Variants in COG3 observed in about 807,000 individuals in gnomAD.
The protein encoded by COG3 is component of oligomeric golgi complex 3.
A neutral mutation model predicts 114.1 loss-of-function variants in COG3; 32 were observed. The ratio of observed to expected loss-of-function variants is 0.28; its 90% CI spans 0.21 to 0.38. COG3 has a LOEUF of 0.38. Ranked by LOEUF, COG3 falls within the 10% of genes least tolerant of loss-of-function variation. The pLI is 1.00. For missense variants in COG3, 813 were observed against 973.2 expected (o/e 0.84, Z 2.19); for synonymous variants, 352 against 365.7 (o/e 0.96, Z 0.43).
rs753832614 is a variant in COG3 at position 45,493,412 on chromosome 13, T to G, written c.1253T>G (p.Ile418Ser). ...DVFRPLIIHV[I>S]HLETLSELCG... The stretch of plus-strand genomic sequence containing the variant: ...TTCAGGCCATTGATCATTCATGTTA[T>G]TCACTTAGAGACTCTGTCGGAACTT... The change falls in exon 12 of 23, where the codon ATT becomes AGT. Residue 418 changes from isoleucine to serine, a missense_variant. By Grantham distance (142) the Ile-to-Ser change is moderately radical. Around this residue, in one of 2 missense-constraint regions of COG3, gnomAD observed 389 missense variants for 542.6 expected, o/e 0.72. Transcript: ENST00000349995. 3 of 1,613,378 alleles carry G rather than the reference T, an allele frequency of 1.9e-6. No individual in the cohort carries two copies. The highest frequency in any genetic ancestry group is 2.5e-6 in the Non-Finnish European group (3 of 1,179,446).
intron 22 of COG3, 163 bp from the exon 23 acceptor site, chr13:45,534,539 C>T: frequency 4.8e-6 from 2 of 417,230 alleles, no homozygotes; most frequent in South Asian, 9.9e-5. Flanking sequence ...TATTTTTCAA[C>T]TTTTATTTTA....
intron 14 of COG3, among the ~76,000 whole-genome samples, chr13:45,504,524 G>C (rs1467010284): frequency 6.6e-6 from 1 of 152,164 alleles, no homozygotes; most frequent in Non-Finnish European, 1.5e-5. Context: ...GGCAGTGATG[G>C]GTTATTGGCA....
Position 45,492,262 on chromosome 13 carries a change from T to C in COG3, c.1187+12T>C. 6.7e-7 allele frequency: 1 copy of C among 1,497,116 alleles called. No individual in the cohort carries two copies. The highest frequency in any genetic ancestry group is 9.3e-7 in the Non-Finnish European group (1 of 1,078,244). 92.7% of individuals were successfully genotyped at this position (1,497,116 alleles called of 1,614,324 possible). On this transcript the variant is annotated intron_variant, in intron 11 of 22. Transcript: ENST00000349995. ...ACATCAAAATTAGAGTAGGTGGACA[T>C]GGAATCTAACTCTTGTTCATAAAAT...
At chr13:45,467,510 T>G (rs1885219032) in intron 1 of COG3, among the ~76,000 whole-genome samples, 1 of 152,226 alleles carries the variant, frequency 6.6e-6, no homozygotes, top group Non-Finnish European at 1.5e-5. Flanking sequence ...GAGAATCACT[T>G]GAACCCAGAA....
chr13:45,475,928 C>T (rs922645631), intron 1 of COG3, among the ~76,000 whole-genome samples: 1 of 147,630 alleles, frequency 6.8e-6, no homozygotes. Flanking sequence ...TGGCACCTTG[C>T]ATGTCAGCCT....
chr13:45,476,430 C>A, intron 2 of COG3, 83 bp downstream of exon 2: 2 of 1,360,892 alleles, frequency 1.5e-6, no homozygotes, highest in Non-Finnish European at 2.1e-6. Context: ...ATTAAAAGTT[C>A]TGAACATTTG....
At chr13:45,503,550 G>A (rs553419841) in intron 14 of COG3, among the ~76,000 whole-genome samples, 1 of 152,284 alleles carries the variant, frequency 6.6e-6, no homozygotes, top group Non-Finnish European at 1.5e-5. Context: ...CTTGGACCAT[G>A]GATGAGGGGC....
intron 20 of COG3, among the ~76,000 whole-genome samples, chr13:45,525,634 GT>G (rs59577529): frequency 3.5e-4 from 20 of 56,644 alleles, no homozygotes; most frequent in East Asian, 6.7e-4. Context: ...AGGGCTTTGG[GT>G]TTTTTTTTTT....
intron 14 of COG3, 27 bp downstream of exon 14, chr13:45,503,376 C>A: frequency 1.7e-6 from 2 of 1,165,346 alleles, no homozygotes; most frequent in Non-Finnish European, 2.6e-6. Flanking sequence ...TAACTGCCAG[C>A]ATTTATTCAT....
chr13:45,484,750 T>C (rs1248648520), intron 7 of COG3, among the ~76,000 whole-genome samples: 8 of 142,612 alleles, frequency 5.6e-5, no homozygotes, highest in Admixed American at 4.9e-4. Context: ...CCCTGCGGCC[T>C]TCCGCAGTGT....
intron 1 of COG3, among the ~76,000 whole-genome samples, chr13:45,473,019 GCCA>G (rs1380407357): frequency 6.6e-6 from 1 of 152,178 alleles, no homozygotes; most frequent in East Asian, 1.9e-4. Flanking sequence ...ACAGGCGCCC[GCCA>G]CCACGCCTGG....
chr13:45,529,891 C>A lies in COG3; in HGVS notation c.2331C>A (p.Thr777=), dbSNP rs556337262. 1.2e-6 allele frequency: 2 copies of A among 1,611,168 alleles called. No homozygotes were observed. The highest frequency in any genetic ancestry group is 2.7e-5 in the African/African-American group (2 of 74,780). The change falls in exon 21 of 23, where the codon ACC becomes ACA. Residue 777 remains threonine, a synonymous_variant. Coordinates refer to ENST00000349995, the MANE Select transcript of COG3 (RefSeq NM_031431.4). ...SMSLYLSNKD[T]EFILFKPVRN... is the part of the protein sequence containing the mutation. The stretch of plus-strand genomic sequence containing the variant: ...CCTTGTACCTATCCAATAAAGATAC[C>A]GAGTTCATCTTGTTTAAACCTGTGA...
chr13:45,534,758 ATGTC>A lies in COG3; in HGVS notation c.*34_*37del, dbSNP rs780753771. ...CAGGCCAGCCGGGCTGTGCACCTAA[ATGTC>A]TGTCTGGGAGGAGCAGGCTGAGAAG... On this transcript the variant is annotated 3_prime_UTR_variant, in exon 23 of 23. Coordinates refer to ENST00000349995, the MANE Select transcript of COG3 (RefSeq NM_031431.4). 8 of 1,550,788 alleles carry A rather than the reference ATGTC, an allele frequency of 5.2e-6. No homozygotes were observed. In the East Asian group the frequency reaches 1.9e-4, roughly 37 times the overall value.
At chr13:45,509,149 C>A (rs1219292831) in intron 14 of COG3, among the ~76,000 whole-genome samples, 1 of 151,622 alleles carries the variant, frequency 6.6e-6, no homozygotes, top group South Asian at 2.1e-4. Flanking sequence ...AAGCGATTTT[C>A]CTGCCTCAGC....
intron 22 of COG3, 107 bp downstream of exon 22, chr13:45,530,887 T>C: frequency 5.5e-6 from 3 of 546,504 alleles, no homozygotes; most frequent in Admixed American, 8.5e-5. Context: ...ATTTAAAAAA[T>C]ATTACCTTCT....
chr13:45,517,512 G>T (rs563617919), intron 17 of COG3, among the ~76,000 whole-genome samples: 1 of 151,146 alleles, frequency 6.6e-6, no homozygotes, highest in East Asian at 1.9e-4. Flanking sequence ...AATTATTTTT[G>T]TTTTTTTCTC....
intron 13 of COG3, among the ~76,000 whole-genome samples, chr13:45,501,728 T>C (rs1339356045): frequency 6.6e-6 from 1 of 152,222 alleles, no homozygotes; most frequent in Non-Finnish European, 1.5e-5. Context: ...TAGAAATATG[T>C]GTGTGTACTA....
At chr13:45,514,110 T>TA (rs1381652566) in intron 16 of COG3, among the ~76,000 whole-genome samples, 1 of 149,114 alleles carries the variant, frequency 6.7e-6, no homozygotes, top group Non-Finnish European at 1.5e-5. Context: ...GACCTAATTT[T>TA]AAAAAAAGTT....
At chr13:45,531,503 T>TG (rs1349905914) in intron 22 of COG3, among the ~76,000 whole-genome samples, 213 of 73,232 alleles carry the variant, frequency 2.9e-3, no homozygotes, top group Middle Eastern at 9.4e-3. Flanking sequence ...ATAAATCTTG[T>TG]GTTTTTGTTT....
Sources: gnomAD v4.1 joint callset for allele counts (sites outside exome capture counted in the v4.1 genomes callset) on GRCh38, gnomAD v4.1.1 for gene constraint, gnomAD v4.1.1 regional missense constraint, MANE v1.5 for transcripts, NCBI Gene and HGNC (gene_info 2026-07-23, HGNC 2026-07-21) for gene names.